The following NAALADL2 variants were observed in gnomAD, a reference collection of about 807,000 sequenced individuals.
NAALADL2 encodes the protein inactive N-acetylated-alpha-linked acidic dipeptidase-like protein 2.
NAALADL2 carries 76 observed loss-of-function variants against 87.2 expected under a neutral mutation model. The ratio of observed to expected loss-of-function variants is 0.87; its 90% CI spans 0.72 to 1.05. The LOEUF (loss-of-function observed/expected upper bound fraction) is 1.05, where lower values mean the gene tolerates loss of function less well. NAALADL2 is among the 50% of genes least tolerant of loss of function. The pLI is 0.00. For missense variants in NAALADL2, 1,089 were observed against 945.8 expected, an observed-to-expected ratio of 1.15 and a Z score of -1.99; for synonymous variants, 354 against 331.0, an observed-to-expected ratio of 1.07 and a Z score of -0.75.
At chr3:175,636,213 T>C (rs1012943186) in intron 11 of NAALADL2, among the ~76,000 whole-genome samples, 1 of 151,864 alleles carries the variant, frequency 6.6e-6, no homozygotes, top group Non-Finnish European at 1.5e-5. Context: ...TGTGTGTGTG[T>C]GCGTGTGTGT....
chr3:175,734,125 G>A (rs1465158773), intron 11 of NAALADL2, among the ~76,000 whole-genome samples: 9 of 152,306 alleles, frequency 5.9e-5, no homozygotes, highest in Middle Eastern at 3.4e-3. Context: ...GCTCCACTAC[G>A]TGGTGCCCCA....
At chr3:174,441,011 AGCCCGC>A (rs927274699) in exon 1 of NAALADL2, 8 of 152,032 alleles carry the variant, frequency 5.3e-5, no homozygotes, top group African/African-American at 1.9e-4. Context: ...ACCGCAGACG[AGCCCGC>A]GCCCGCGCCG....
chr3:175,367,336 G>A (rs1464063047), intron 5 of NAALADL2, among the ~76,000 whole-genome samples: 15 of 148,412 alleles, frequency 1.0e-4, no homozygotes, highest in East Asian at 4.0e-4. Context: ...TTGACTTGGC[G>A]ATGCGGGCTC....
intron 10 of NAALADL2, among the ~76,000 whole-genome samples, chr3:175,576,617 CT>C (rs1180083790): frequency 6.6e-6 from 1 of 152,122 alleles, no homozygotes; most frequent in Non-Finnish European, 1.5e-5. Context: ...AATAGTTTGC[CT>C]GCTTAAAAAA....
At chr3:175,522,523 G>T (rs7645334) in intron 9 of NAALADL2, among the ~76,000 whole-genome samples, 34,590 of 152,166 alleles carry the variant, frequency 0.23, 5,494 homozygotes, top group African/African-American at 0.45. Context: ...TCAGACTAGT[G>T]ACATCTCAGT....
rs148074604 is a variant in NAALADL2, at chr3:175,254,530, T to C, written c.820-1881T>C. 1.8e-3 allele frequency among the ~76,000 whole-genome samples: 268 copies of C among 152,278 alleles called. 1 individual carries two copies. Among genetic ancestry groups the C allele is most frequent in the Middle Eastern group, 6.8e-3 (2 of 294 alleles). On this transcript the variant is annotated intron_variant, in intron 3 of 13. Coordinates refer to ENST00000454872, the MANE Select transcript of NAALADL2 (RefSeq NM_207015.3). ...GTATGCCTGTATACACAATCTGATCTATATCCTCCAAAACAAGTAAGGTTT... is the reference window on the plus strand; with the variant it reads ...GTATGCCTGTATACACAATCTGATCCATATCCTCCAAAACAAGTAAGGTTT...
intron 2 of NAALADL2, among the ~76,000 whole-genome samples, chr3:174,666,262 G>A (rs971559231): frequency 5.9e-5 from 9 of 152,238 alleles, no homozygotes; most frequent in Middle Eastern, 3.4e-3. Flanking sequence ...CTAGGCCTGT[G>A]CAGTAATCAT....
chr3:175,536,019 G>A (rs930789374), intron 9 of NAALADL2, among the ~76,000 whole-genome samples: 3 of 152,096 alleles, frequency 2.0e-5, no homozygotes, highest in African/African-American at 2.4e-5. Context: ...ATCCCAGATC[G>A]ATCTGATAAC....
intron 9 of NAALADL2, among the ~76,000 whole-genome samples, chr3:175,507,554 C>T (rs567638430): frequency 6.6e-6 from 1 of 152,212 alleles, no homozygotes; most frequent in Non-Finnish European, 1.5e-5. Flanking sequence ...TCCCCAGCAG[C>T]TGGGATTACA....
At chr3:175,542,642 G>T (rs902214681) in intron 9 of NAALADL2, among the ~76,000 whole-genome samples, 26 of 152,138 alleles carry the variant, frequency 1.7e-4, no homozygotes, top group African/African-American at 5.6e-4. Flanking sequence ...TTACAGGCGT[G>T]AGCCACTGCA....
At chr3:174,697,222 G>A (rs1157309105) in intron 2 of NAALADL2, among the ~76,000 whole-genome samples, 19 of 152,068 alleles carry the variant, frequency 1.2e-4, no homozygotes, top group Non-Finnish European at 1.5e-4. Context: ...GCCTCTTCTG[G>A]GAAGATAATA....
At chr3:174,643,774 C>T (rs1045859034) in intron 2 of NAALADL2, among the ~76,000 whole-genome samples, 7 of 152,084 alleles carry the variant, frequency 4.6e-5, no homozygotes, top group African/African-American at 1.7e-4. Flanking sequence ...CTAATTGTTG[C>T]AATATCATAT....
At chr3:175,173,785 C>CACATTTTTTCCCAAT (rs2108932390) in intron 2 of NAALADL2, among the ~76,000 whole-genome samples, 1 of 152,198 alleles carries the variant, frequency 6.6e-6, no homozygotes, top group East Asian at 1.9e-4. Flanking sequence ...ATCTTTCTGT[C>CACATTTTTTCCCAAT]TTCCATGCTC....
chr3:175,022,962 A>AC (rs1329104005), intron 1 of NAALADL2, among the ~76,000 whole-genome samples: 10 of 152,150 alleles, frequency 6.6e-5, no homozygotes, highest in African/African-American at 2.4e-4. Flanking sequence ...GTTTGTTTTA[A>AC]TTACGTCCAG....
Position 175,803,656 on chromosome 3 carries a change from G to A in NAALADL2, c.*453G>A, listed in dbSNP as rs1754444175. The A allele has an allele frequency of 6.5e-6, 1 of 152,728 alleles. No individual in the cohort carries two copies. Among genetic ancestry groups the A allele is most frequent in the Admixed American group, 6.6e-5 (1 of 15,254 alleles). 9.5% of individuals were successfully genotyped at this position (152,728 alleles called of 1,614,324 possible). ...TTCACTATTAAGTGTTCAATATGAA[G>A]AATTCAAGTATTCTGACTGAGTGAT... On this transcript the variant is annotated 3_prime_UTR_variant, in exon 14 of 14. Transcript: ENST00000454872.
chr3:174,441,237 G>A (rs1222579728), intron 1 of NAALADL2, among the ~76,000 whole-genome samples: 1 of 151,934 alleles, frequency 6.6e-6, no homozygotes, highest in African/African-American at 2.4e-5. Flanking sequence ...CCCGGCCGGC[G>A]GCGGGTTCTG....
intron 9 of NAALADL2, among the ~76,000 whole-genome samples, chr3:175,555,282 T>TATC (rs1715074623): frequency 1.3e-5 from 2 of 152,200 alleles, no homozygotes; most frequent in South Asian, 4.1e-4. Context: ...AGTGCTCAAT[T>TATC]ATCAGAAAAG....
chr3:175,704,420 C>A (rs1739395004), intron 11 of NAALADL2, among the ~76,000 whole-genome samples: 1 of 152,038 alleles, frequency 6.6e-6, no homozygotes, highest in African/African-American at 2.4e-5. Context: ...TTCTTAGAGC[C>A]ACTTTACTTA....
chr3:174,787,992 C>G (rs775638252), intron 3 of NAALADL2, among the ~76,000 whole-genome samples: 1 of 151,876 alleles, frequency 6.6e-6, no homozygotes, highest in Non-Finnish European at 1.5e-5. Flanking sequence ...GCTTGTGATA[C>G]GGAGATTAGA....
Sources: gnomAD v4.1 joint callset for allele counts (sites outside exome capture counted in the v4.1 genomes callset) on GRCh38, gnomAD v4.1.1 for gene constraint, MANE v1.5 for transcripts, NCBI Gene and HGNC (gene_info 2026-07-23, HGNC 2026-07-21) for gene names.